TSGA13: variants seen among roughly 807,000 people sequenced by gnomAD.
TSGA13 encodes the protein testis specific 13, also known as testis-specific gene 13 protein.
Under a neutral mutation model 35.1 loss-of-function variants are expected in TSGA13, and 37 were observed. The observed-to-expected ratio is 1.05, with a 90% CI of 0.81 to 1.39. TSGA13 has a LOEUF of 1.39. Among genes scored for constraint, TSGA13 ranks in the 40% most tolerant of loss-of-function variants. The pLI is 0.00. For synonymous variants in TSGA13, 124 were observed against 121.2 expected, an observed-to-expected ratio of 1.02 and a Z score of -0.15; for missense variants, 338 against 328.5, an observed-to-expected ratio of 1.03 and a Z score of -0.22.
rs1796190060 is a variant in TSGA13 at position 130,669,286 on chromosome 7, C to T, written c.659-103G>A. 5 of 1,454,806 alleles carry T rather than the reference C, an allele frequency of 3.4e-6. No homozygotes were observed. In the South Asian group the frequency reaches 5.0e-5, roughly 15 times the overall value. 90.1% of individuals were successfully genotyped at this position (1,454,806 alleles called of 1,614,324 possible). A position where few individuals can be genotyped will look rare whatever the true frequency, so the allele number is the denominator to read the frequency against. On this transcript the variant is annotated intron_variant, in intron 7 of 7. Transcript: ENST00000356588. The stretch of plus-strand genomic sequence containing the variant: ...GAGACGCACTTGGAGGGACCAGAGG[C>T]TGGTCTTTAGAGGGTAGATTTTGGA...
At chr7:130,677,050 G>A (rs570454170) in intron 5 of TSGA13, among the ~76,000 whole-genome samples, 9 of 151,922 alleles carry the variant, frequency 5.9e-5, no homozygotes, top group East Asian at 1.9e-4. Flanking sequence ...CCGCTACCAC[G>A]CCCGGCTAAT....
chr7:130,671,851 C>T (rs1266336935), intron 6 of TSGA13, 63 bp from the exon 7 acceptor site: 6 of 628,978 alleles, frequency 9.5e-6, no homozygotes, highest in Middle Eastern at 6.6e-4. Context: ...GAACTATTCA[C>T]TTTATTTTAT....
intron 5 of TSGA13, among the ~76,000 whole-genome samples, chr7:130,674,721 A>G (rs1211174604): frequency 1.3e-5 from 2 of 152,254 alleles, no homozygotes; most frequent in African/African-American, 4.8e-5. Context: ...ATAAATGACC[A>G]AACTAATTAA....
intron 6 of TSGA13, 63 bp downstream of exon 6, chr7:130,672,671 C>T: frequency 6.4e-7 from 1 of 1,574,476 alleles, no homozygotes; most frequent in Non-Finnish European, 8.6e-7. Context: ...TGGCAAAGAA[C>T]CAGAAACGTG....
chr7:130,675,924 ATCC>A (rs1447924877), intron 5 of TSGA13, among the ~76,000 whole-genome samples: 1 of 152,200 alleles, frequency 6.6e-6, no homozygotes, highest in Non-Finnish European at 1.5e-5. Flanking sequence ...TGGGTCTGAT[ATCC>A]TCCTCTGGTC....
At position 130,668,954 on chromosome 7, in the gene TSGA13, C is replaced by T; in HGVS notation, c.*60G>A. 6.4e-7 allele frequency: 1 copy of T among 1,565,138 alleles called. No homozygotes were observed. Among genetic ancestry groups the T allele is most frequent in the Non-Finnish European group, 8.7e-7 (1 of 1,155,694 alleles). The stretch of plus-strand genomic sequence containing the variant: ...CAGGAATGTGGTTTTATTTGGGTGG[C>T]GACTTCTGCGGACCCCTCAGTCTCA... On this transcript the variant is annotated 3_prime_UTR_variant, in exon 8 of 8. Coordinates refer to ENST00000356588, the MANE Select transcript of TSGA13 (RefSeq NM_052933.4).
chr7:130,679,519 G>T (rs893696775), intron 4 of TSGA13, 152 bp from the exon 5 acceptor site: 1 of 737,368 alleles, frequency 1.4e-6, no homozygotes, highest in Non-Finnish European at 2.1e-6. Flanking sequence ...TTTTGTTTTT[G>T]TTTTTTTTGA....
At position 130,668,692 on chromosome 7, in the gene TSGA13, G is replaced by A. The variant is rs565828995; in HGVS notation, c.*322C>T. ...ATCTTGGACGACTTCCCAGCGCCCA[G>A]ACCCACCGCAACCGTCCCAGGCGCC... On this transcript the variant is annotated 3_prime_UTR_variant, in exon 8 of 8. Coordinates refer to ENST00000356588, the MANE Select transcript of TSGA13 (RefSeq NM_052933.4). 5 of 1,525,790 alleles carry A rather than the reference G, an allele frequency of 3.3e-6. No individual in the cohort carries two copies. Among genetic ancestry groups the A allele is most frequent in the Non-Finnish European group, 3.5e-6 (4 of 1,137,582 alleles). The allele number at this position is 1,525,790 out of a possible 1,614,324, so 94.5% of individuals were successfully genotyped here.
intron 7 of TSGA13, among the ~76,000 whole-genome samples, chr7:130,670,713 A>G (rs1296597067): frequency 6.6e-6 from 1 of 152,120 alleles, no homozygotes. Context: ...TTGAACTCCT[A>G]GGTTCAAGCA....
chr7:130,672,672 C>T, intron 6 of TSGA13, 62 bp downstream of exon 6: 2 of 1,575,216 alleles, frequency 1.3e-6, no homozygotes, highest in East Asian at 2.3e-5. Flanking sequence ...GGCAAAGAAC[C>T]AGAAACGTGA....
chr7:130,684,361 G>A (rs782637769), intron 2 of TSGA13, among the ~76,000 whole-genome samples: 7 of 152,106 alleles, frequency 4.6e-5, no homozygotes, highest in Non-Finnish European at 7.4e-5. Context: ...TCTATTCTTT[G>A]CTATTCTTTT....
chr7:130,669,081 C>G lies in TSGA13; in HGVS notation c.761G>C (p.Gly254Ala). ...LEDMPTRTAP[G>A]ESAFRNGRAP... ...CCTCCCGTTGCGGAAGGCGCTCTCCCCGGGCGCGGTTCTGGTGGGCATGTC... is the reference window on the plus strand; with the variant it reads ...CCTCCCGTTGCGGAAGGCGCTCTCCGCGGGCGCGGTTCTGGTGGGCATGTC... The change falls in exon 8 of 8, where the codon GGG becomes GCG. Residue 254 changes from glycine (G) to alanine (A), a missense_variant. Gly to Ala is a moderately conservative substitution (Grantham distance 60). Transcript: ENST00000356588. 6.2e-7 allele frequency: 1 copy of G among 1,614,256 alleles called. No individual in the cohort carries two copies. The highest frequency in any genetic ancestry group is 1.1e-5 in the South Asian group (1 of 91,088).
chr7:130,679,062 G>T, intron 5 of TSGA13, 93 bp downstream of exon 5: 1 of 1,055,040 alleles, frequency 9.5e-7, no homozygotes, highest in Non-Finnish European at 1.4e-6. Flanking sequence ...GGTTTTCTGA[G>T]TACTATTCTC....
chr7:130,685,816 C>G (rs868973225), intron 1 of TSGA13, among the ~76,000 whole-genome samples: 68 of 152,112 alleles, frequency 4.5e-4, no homozygotes, highest in African/African-American at 1.6e-3. Flanking sequence ...GATTGCTATA[C>G]TTTTTGATAT....
At chr7:130,674,648 A>T (rs1796368369) in intron 5 of TSGA13, among the ~76,000 whole-genome samples, 1 of 152,238 alleles carries the variant, frequency 6.6e-6, no homozygotes, top group African/African-American at 2.4e-5. Flanking sequence ...TCATTAATAT[A>T]TCCCTAGCAC....
chr7:130,686,891 C>T (rs1174600442), upstream of TSGA13: 1 of 152,454 alleles, frequency 6.6e-6, no homozygotes, highest in East Asian at 1.9e-4. Context: ...TTCTCCTTCT[C>T]TTTCTTCTGA....
intron 3 of TSGA13, among the ~76,000 whole-genome samples, chr7:130,682,905 A>G (rs1796581397): frequency 6.6e-6 from 1 of 152,202 alleles, no homozygotes; most frequent in Admixed American, 6.5e-5. Flanking sequence ...ATGGAAAACT[A>G]AAGTTCATTT....
chr7:130,673,590 A>G (rs1796335418), intron 5 of TSGA13, among the ~76,000 whole-genome samples: 1 of 152,162 alleles, frequency 6.6e-6, no homozygotes, highest in South Asian at 2.1e-4. Flanking sequence ...AATTCATCAC[A>G]TTCCTCCTAA....
At chr7:130,680,333 C>T (rs533230328) in intron 4 of TSGA13, among the ~76,000 whole-genome samples, 32 of 152,068 alleles carry the variant, frequency 2.1e-4, no homozygotes, top group Admixed American at 1.6e-3. Context: ...GGTGAAACCC[C>T]GTCTCTACTA....
Sources: gnomAD v4.1 joint callset for allele counts (sites outside exome capture counted in the v4.1 genomes callset) on GRCh38, gnomAD v4.1.1 for gene constraint, MANE v1.5 for transcripts, NCBI Gene and HGNC (gene_info 2026-07-23, HGNC 2026-07-21) for gene names.